RSPO2: variants seen among roughly 807,000 people sequenced by gnomAD.
RSPO2 encodes R-spondin-2.
Under a neutral mutation model 30.9 loss-of-function variants are expected in RSPO2, and 14 were observed. That is an observed-to-expected ratio of 0.45 (90% CI 0.30 to 0.71). The LOEUF (loss-of-function observed/expected upper bound fraction) is 0.71, where lower values mean the gene tolerates loss of function less well. RSPO2 is among the 30% of genes least tolerant of loss of function. The pLI, the probability that RSPO2 is intolerant of heterozygous loss-of-function variation, is 0.08. For missense variants in RSPO2, 264 were observed against 301.9 expected (o/e 0.87, Z 0.93); for synonymous variants, 107 against 96.4 (o/e 1.11, Z -0.64).
chr8:108,061,403 G>T (rs1812459523), intron 2 of RSPO2, among the ~76,000 whole-genome samples: 1 of 151,862 alleles, frequency 6.6e-6, no homozygotes, highest in African/African-American at 2.4e-5. Flanking sequence ...TGATAAAACA[G>T]ACTTTAAACC....
intron 5 of RSPO2, among the ~76,000 whole-genome samples, chr8:107,918,404 C>G (rs1056536461): frequency 6.6e-6 from 1 of 152,144 alleles, no homozygotes; most frequent in Non-Finnish European, 1.5e-5. Context: ...TTTACCAAGG[C>G]TTTGACTGGA....
chr8:107,915,493 A>G (rs1811950328), intron 5 of RSPO2, among the ~76,000 whole-genome samples: 1 of 152,146 alleles, frequency 6.6e-6, no homozygotes, highest in African/African-American at 2.4e-5. Flanking sequence ...GGAAGATTTC[A>G]GGGAGATTTC....
intron 3 of RSPO2, among the ~76,000 whole-genome samples, chr8:107,961,708 A>C (rs911291073): frequency 6.6e-6 from 1 of 152,156 alleles, no homozygotes; most frequent in Non-Finnish European, 1.5e-5. Flanking sequence ...CAGGGGCATC[A>C]CTGACCTTAC....
intron 3 of RSPO2, among the ~76,000 whole-genome samples, chr8:107,974,075 T>C (rs1450977783): frequency 6.6e-6 from 1 of 152,070 alleles, no homozygotes; most frequent in Non-Finnish European, 1.5e-5. Context: ...ATTTGCTGAA[T>C]GGGTAACCTG....
intron 2 of RSPO2, among the ~76,000 whole-genome samples, chr8:108,038,663 C>G (rs1160911798): frequency 1.3e-5 from 2 of 152,112 alleles, no homozygotes; most frequent in Non-Finnish European, 2.9e-5. Flanking sequence ...CAGCAACCAC[C>G]ACACTGATCA....
At chr8:107,925,411 A>G (rs748368375) in intron 5 of RSPO2, among the ~76,000 whole-genome samples, 1 of 151,050 alleles carries the variant, frequency 6.6e-6, no homozygotes, top group Admixed American at 6.6e-5. Flanking sequence ...ATTTATATAT[A>G]TTTTTTATTA....
chr8:108,029,973 G>A (rs1443102170), intron 2 of RSPO2, among the ~76,000 whole-genome samples: 2 of 152,028 alleles, frequency 1.3e-5, no homozygotes, highest in Admixed American at 1.3e-4. Flanking sequence ...GTTTAAAACT[G>A]TTATCTAATT....
intron 2 of RSPO2, among the ~76,000 whole-genome samples, chr8:108,050,380 C>T (rs1282753833): frequency 2.6e-5 from 4 of 152,012 alleles, no homozygotes; most frequent in African/African-American, 9.7e-5. Context: ...TTTGAATAAT[C>T]TCCTGTTTCT....
intron 5 of RSPO2, among the ~76,000 whole-genome samples, chr8:107,919,447 G>C (rs1026601628): frequency 6.6e-6 from 1 of 152,126 alleles, no homozygotes; most frequent in African/African-American, 2.4e-5. Context: ...CTGGGGACTA[G>C]ACTGCCTTTG....
At chr8:107,980,535 T>C (rs1160291784) in intron 3 of RSPO2, among the ~76,000 whole-genome samples, 3 of 152,218 alleles carry the variant, frequency 2.0e-5, no homozygotes, top group Non-Finnish European at 4.4e-5. Flanking sequence ...ATAACTCTAA[T>C]ACATGATTTA....
intron 5 of RSPO2, among the ~76,000 whole-genome samples, chr8:107,919,051 C>A (rs969431763): frequency 6.6e-6 from 1 of 152,036 alleles, no homozygotes; most frequent in East Asian, 1.9e-4. Context: ...AATACTAACA[C>A]CTTTGCCATA....
chr8:108,011,270 G>T (rs946825663), intron 2 of RSPO2, among the ~76,000 whole-genome samples: 4 of 151,910 alleles, frequency 2.6e-5, no homozygotes, highest in Non-Finnish European at 5.9e-5. Context: ...AAAGTGACTT[G>T]GTTGTGCCCA....
At chr8:107,979,789 C>T (rs1478687099) in intron 3 of RSPO2, among the ~76,000 whole-genome samples, 2 of 152,130 alleles carry the variant, frequency 1.3e-5, no homozygotes, top group African/African-American at 4.8e-5. Flanking sequence ...GAATCTGTCT[C>T]TTCCTCCCCA....
intron 5 of RSPO2, among the ~76,000 whole-genome samples, 153 bp from the exon 6 acceptor site, chr8:107,901,343 A>G (rs1210736352): frequency 6.6e-6 from 1 of 151,566 alleles, no homozygotes; most frequent in African/African-American, 2.4e-5. Context: ...ATTAATTTTG[A>G]CAGAATAATA....
chr8:108,004,744 A>T (rs1815394125), intron 2 of RSPO2, among the ~76,000 whole-genome samples: 1 of 152,206 alleles, frequency 6.6e-6, no homozygotes, highest in Non-Finnish European at 1.5e-5. Context: ...GTGTATACAA[A>T]TGTATACATA....
chr8:108,056,147 T>C (rs1563581908), intron 2 of RSPO2, among the ~76,000 whole-genome samples: 1 of 152,194 alleles, frequency 6.6e-6, no homozygotes, highest in Non-Finnish European at 1.5e-5. Flanking sequence ...TTTTCTTGAC[T>C]ACAGTCTCAC....
intron 3 of RSPO2, among the ~76,000 whole-genome samples, chr8:107,961,464 G>T (rs1204204873): frequency 6.6e-6 from 1 of 152,082 alleles, no homozygotes. Flanking sequence ...AAGAAACCTG[G>T]GACTAACAGA....
chr8:107,917,833 C>T (rs913308097), intron 5 of RSPO2, among the ~76,000 whole-genome samples: 1 of 152,138 alleles, frequency 6.6e-6, no homozygotes, highest in African/African-American at 2.4e-5. Flanking sequence ...AAATTGTATG[C>T]CACAGAAGTA....
At chr8:108,074,517 C>T (rs1368467310) in intron 2 of RSPO2, among the ~76,000 whole-genome samples, 2 of 152,112 alleles carry the variant, frequency 1.3e-5, no homozygotes, top group East Asian at 1.9e-4. Context: ...TGCAAGTATG[C>T]AAATTTTTAC....
Sources: allele counts gnomAD v4.1 joint callset (sites outside exome capture counted in the v4.1 genomes callset), GRCh38; gene constraint gnomAD v4.1.1; transcripts MANE v1.5; gene names NCBI Gene and HGNC (gene_info 2026-07-23, HGNC 2026-07-21).